ITGB4: variants seen among roughly 807,000 people sequenced by gnomAD.
The protein encoded by ITGB4 is integrin subunit beta 4, also known as integrin beta-4.
In ITGB4, 159 loss-of-function variants were observed where a neutral mutation model predicts 207.6. The ratio of observed to expected loss-of-function variants is 0.77; its 90% CI spans 0.67 to 0.87. ITGB4 has a LOEUF of 0.87. ITGB4 is among the 40% of genes least tolerant of loss of function. ITGB4 has a pLI of 0.00. For synonymous variants in ITGB4, 1,020 were observed against 1,062.7 expected (o/e 0.96, Z 0.78); for missense variants, 2,278 against 2,546.8 (o/e 0.89, Z 2.27).
Position 75,730,420 on chromosome 17 carries a change from G to A in ITGB4, c.918G>A (p.Ser306=), listed in dbSNP as rs569815212. 3.1e-6 allele frequency: 5 copies of A among 1,613,986 alleles called. No individual in the cohort carries two copies. Among genetic ancestry groups the A allele is most frequent in the East Asian group, 2.2e-5 (1 of 44,884 alleles). The change falls in exon 8 of 40, where the codon TCG becomes TCA. Residue 306 remains serine (S), a synonymous_variant. Coordinates refer to ENST00000200181, the MANE Select transcript of ITGB4 (RefSeq NM_000213.5). ...AGTACAGGACACAGGACTACCCGTC[G>A]GTGCCCACCCTGGTGCGCCTGCTCG... ...YTQYRTQDYP[S]VPTLVRLLAK...
rs779207950 is a variant in ITGB4 at position 75,742,571 on chromosome 17, C to T, written c.2783-11C>T. The T allele has an allele frequency of 5.6e-6, 9 of 1,613,706 alleles. No individual in the cohort carries two copies. The highest frequency in any genetic ancestry group is 1.1e-5 in the South Asian group (1 of 91,090). ...TGACCCACCTCTGACCACCTCCGAA[C>T]CCCCACCCAGACGCCCGGGGCATGG... On this transcript the variant is annotated splice_polypyrimidine_tract_variant and intron_variant, in intron 24 of 39. Transcript: ENST00000200181. This position sits in a 1 kb window ranked among gnomAD's most constrained non-coding sequence, Gnocchi z 5.9.
chr17:75,745,052 A>T (rs1252561112), intron 26 of ITGB4, among the ~76,000 whole-genome samples: 2 of 151,894 alleles, frequency 1.3e-5, no homozygotes, highest in Non-Finnish European at 2.9e-5. Context: ...GGTGTAAGCC[A>T]GTGCACCTGG....
Position 75,737,572 on chromosome 17 carries a change from C to CCTG in ITGB4, c.2151_2153dup (p.Leu722dup). ...CGGGCTCCTTCTGGTGGCTCATCCCCCTGCTCCTCCTCCTCCTGCCGCTCC... is the reference window on the plus strand; with the variant it reads ...CGGGCTCCTTCTGGTGGCTCATCCCCCTGCTGCTCCTCCTCCTCCTGCCGCTCC... On this transcript the variant is annotated inframe_insertion, in exon 18 of 40. Transcript: ENST00000200181. 6.2e-7 allele frequency: 1 copy of CCTG among 1,601,458 alleles called. No individual in the cohort carries two copies. Among genetic ancestry groups the CCTG allele is most frequent in the Non-Finnish European group, 8.5e-7 (1 of 1,174,204 alleles).
chr17:75,747,742 CG>C (rs2061263748), intron 26 of ITGB4, among the ~76,000 whole-genome samples: 1 of 152,266 alleles, frequency 6.6e-6, no homozygotes, highest in South Asian at 2.1e-4. Context: ...CTCTGCCTCC[CG>C]GGTTCAAGCA....
rs777671497 is a variant in ITGB4 at position 75,750,814 on chromosome 17, C to T, written c.3609C>T (p.Gly1203=). 9 of 1,613,428 alleles carry T rather than the reference C, an allele frequency of 5.6e-6. No homozygotes were observed. Among genetic ancestry groups the T allele is most frequent in the Non-Finnish European group, 7.6e-6 (9 of 1,179,992 alleles). The change falls in exon 29 of 40, where the codon GGC becomes GGT. Residue 1203 remains glycine, a synonymous_variant. Coordinates refer to ENST00000200181, the MANE Select transcript of ITGB4 (RefSeq NM_000213.5). This position sits in a 1 kb window ranked among gnomAD's most constrained non-coding sequence, Gnocchi z 5.5. ...EMKVCAYGAQ[G]EGPYSSLVSC... is the part of the protein sequence containing the mutation. ...AGGTGTGCGCCTACGGGGCTCAGGG[C>T]GAGGGACCCTACAGCTCCCTGGTGT... is the stretch of plus-strand genomic sequence containing the variant.
chr17:75,736,454 G>T, intron 15 of ITGB4, 68 bp downstream of exon 15: 3 of 1,609,222 alleles, frequency 1.9e-6, no homozygotes, highest in South Asian at 2.2e-5. Flanking sequence ...GGGCAGGAGG[G>T]GCTAAGCCTG....
Position 75,739,811 on chromosome 17 carries a change from G to T in ITGB4, c.2255-69G>T, listed in dbSNP as rs551315137. ...AACGGCAGAGGCTGGAGGCTCTGGG[G>T]TCCCACCTGAAGAGGTTGGGCTGTG... On this transcript the variant is annotated intron_variant, in intron 19 of 39. Coordinates refer to ENST00000200181, the MANE Select transcript of ITGB4 (RefSeq NM_000213.5). This position sits in a 1 kb window ranked among gnomAD's most constrained non-coding sequence, Gnocchi z 5.4. The T allele has an allele frequency of 1.3e-3, 2,060 of 1,608,784 alleles. 20 individuals are homozygous for T. Among genetic ancestry groups the T allele is most frequent in the Non-Finnish European group, 2.2e-4 (258 of 1,175,582 alleles).
rs773439891 is a variant in ITGB4 at position 75,727,731 on chromosome 17, G to A, written c.345G>A (p.Glu115=). 1.2e-6 allele frequency: 2 copies of A among 1,613,810 alleles called. No individual in the cohort carries two copies. Among genetic ancestry groups the A allele is most frequent in the Non-Finnish European group, 1.7e-6 (2 of 1,180,016 alleles). The change falls in exon 5 of 40, where the codon GAG becomes GAA. Residue 115 remains glutamate (E), a synonymous_variant. Transcript: ENST00000200181. The surrounding 1 kb of genome is among the most constrained non-coding windows in gnomAD (Gnocchi z 6.0). ...GLRVRLRPGE[E]RHFELEVFEP... ...GGGTCCGTCTGCGGCCCGGTGAGGA[G>A]CGGCATTTTGAGCTGGAGGTGTTTG...
In ITGB4 at chr17:75,750,812, G is replaced by A. The variant is rs1411652663; in HGVS notation, c.3607G>A (p.Gly1203Ser). Residue 1203 changes from glycine (G) to serine (S), a missense_variant, in exon 29 of 40, where the codon GGC (glycine) becomes AGC (serine). Coordinates refer to ENST00000200181, the MANE Select transcript of ITGB4 (RefSeq NM_000213.5). The surrounding 1 kb of genome is among the most constrained non-coding windows in gnomAD (Gnocchi z 5.5). Reference sequence around the variant, plus strand: ...GAAGGTGTGCGCCTACGGGGCTCAGGGCGAGGGACCCTACAGCTCCCTGGT... The same window carrying A: ...GAAGGTGTGCGCCTACGGGGCTCAGAGCGAGGGACCCTACAGCTCCCTGGT... Reference protein sequence around the residue: ...EMKVCAYGAQGEGPYSSLVSC... With the variant: ...EMKVCAYGAQSEGPYSSLVSC... The A allele has an allele frequency of 2.5e-6, 4 of 1,613,444 alleles. No homozygotes were observed. The highest frequency in any genetic ancestry group is 3.4e-6 in the Non-Finnish European group (4 of 1,180,002).
rs1194157924 is a variant in ITGB4, at chr17:75,750,952, TC to T, written c.3656-20del. On this transcript the variant is annotated intron_variant, in intron 29 of 39. Coordinates refer to ENST00000200181, the MANE Select transcript of ITGB4 (RefSeq NM_000213.5). This position sits in a 1 kb window ranked among gnomAD's most constrained non-coding sequence, Gnocchi z 5.5. ...CTCCCTCTGCCACTGACAGCACTCT[TC>T]CTGTATTCCCCGCTCCCTAGTGCCC... 1 of 1,613,544 alleles carries T rather than the reference TC, an allele frequency of 6.2e-7. No homozygotes were observed. The highest frequency in any genetic ancestry group is 1.3e-5 in the African/African-American group (1 of 75,038).
In ITGB4 at chr17:75,731,719, C is replaced by T; in HGVS notation, c.1216-93C>T. The T allele has an allele frequency of 7.3e-7, 1 of 1,371,262 alleles. No individual in the cohort carries two copies. Among genetic ancestry groups the T allele is most frequent in the Non-Finnish European group, 9.8e-7 (1 of 1,020,820 alleles). 84.9% of individuals were successfully genotyped at this position (1,371,262 alleles called of 1,614,324 possible). ...GCTCATTTCAGGGATCCAGACATCTCCTAGGAACTTGGGGGCCGAGGGCCT... is the reference window on the plus strand; with the variant it reads ...GCTCATTTCAGGGATCCAGACATCTTCTAGGAACTTGGGGGCCGAGGGCCT... On this transcript the variant is annotated intron_variant, in intron 10 of 39. Coordinates refer to ENST00000200181, the MANE Select transcript of ITGB4 (RefSeq NM_000213.5). The surrounding 1 kb of genome is among the most constrained non-coding windows in gnomAD (Gnocchi z 6.8).
At chr17:75,755,313 T>G in intron 34 of ITGB4, 3 of 1,288,600 alleles carry the variant, frequency 2.3e-6, no homozygotes, top group African/African-American at 1.5e-5. Flanking sequence ...TTCCCCTCCA[T>G]TCCATCCACA....
At chr17:75,743,072 C>G (rs1261429169) in intron 25 of ITGB4, among the ~76,000 whole-genome samples, 4 of 152,250 alleles carry the variant, frequency 2.6e-5, no homozygotes, top group African/African-American at 9.6e-5. Flanking sequence ...CCGTGGACAT[C>G]TGACCCCTCC....
chr17:75,726,284 T>C (rs1216532955), intron 2 of ITGB4, among the ~76,000 whole-genome samples: 1 of 152,054 alleles, frequency 6.6e-6, no homozygotes. Context: ...GGAGCCCCTG[T>C]CTCTACATAA....
At position 75,731,442 on chromosome 17, in the gene ITGB4, C is replaced by T. The variant is rs973179725; in HGVS notation, c.1215+74C>T. The T allele has an allele frequency of 3.0e-5, 43 of 1,457,538 alleles. No homozygotes were observed. The Middle Eastern group carries it at 7.2e-4, about 24-fold the overall frequency. The allele number at this position is 1,457,538 out of a possible 1,614,324, so 90.3% of individuals were successfully genotyped here. A position where few individuals can be genotyped will look rare whatever the true frequency, so the allele number is the denominator to read the frequency against. On this transcript the variant is annotated intron_variant, in intron 10 of 39. Transcript: ENST00000200181. This position sits in a 1 kb window ranked among gnomAD's most constrained non-coding sequence, Gnocchi z 6.8. The stretch of plus-strand genomic sequence containing the variant: ...CACCGAGTGGAATCGTTTAAAACAG[C>T]GGTCAAGAGCGTGGCCCCTGGAGTC...
intron 2 of ITGB4, among the ~76,000 whole-genome samples, chr17:75,725,221 G>A (rs1439123325): frequency 6.6e-6 from 1 of 152,232 alleles, no homozygotes; most frequent in Non-Finnish European, 1.5e-5. Context: ...CTGGTGGCTT[G>A]AAATAGACCA....
chr17:75,747,910 C>A (rs1202762567), intron 26 of ITGB4, among the ~76,000 whole-genome samples: 2 of 152,204 alleles, frequency 1.3e-5, no homozygotes, highest in Non-Finnish European at 2.9e-5. Flanking sequence ...ATGGGTCTCA[C>A]TTTCTGAGTT....
rs1342551413 is a variant in ITGB4, at chr17:75,729,024, G to T, written c.567-241G>T. The stretch of plus-strand genomic sequence containing the variant: ...AAAAAAAAAATTAGCCAGGTGTGGT[G>T]GTGGGCGCCTGTAATTCCAGCTACT... On this transcript the variant is annotated intron_variant, in intron 6 of 39. Transcript: ENST00000200181. The surrounding 1 kb of genome is among the most constrained non-coding windows in gnomAD (Gnocchi z 4.4). 6.6e-6 allele frequency among the ~76,000 whole-genome samples: 1 copy of T among 151,530 alleles called. No homozygotes were observed. The highest frequency in any genetic ancestry group is 2.4e-5 in the African/African-American group (1 of 41,204).
chr17:75,738,281 G>A (rs1445501182), intron 18 of ITGB4, among the ~76,000 whole-genome samples: 1 of 145,134 alleles, frequency 6.9e-6, no homozygotes, highest in Non-Finnish European at 1.5e-5. Context: ...CTCTTAGCCC[G>A]AGTCATCCTG....
Sources: gnomAD v4.1 joint callset for allele counts (sites outside exome capture counted in the v4.1 genomes callset) on GRCh38, gnomAD v4.1.1 for gene constraint, Gnocchi (gnomAD v3.1) non-coding constraint, MANE v1.5 for transcripts, NCBI Gene and HGNC (gene_info 2026-07-23, HGNC 2026-07-21) for gene names.